The following AKT3 variants were observed in gnomAD, a reference collection of about 807,000 sequenced individuals.
AKT3 encodes RAC-gamma serine/threonine-protein kinase.
Under a neutral mutation model 65.3 loss-of-function variants are expected in AKT3, and 15 were observed. The observed-to-expected ratio is 0.23, with a 90% CI of 0.15 to 0.35. AKT3 has a LOEUF of 0.35. Ranked by LOEUF, AKT3 falls within the 10% of genes least tolerant of loss-of-function variation. The probability of loss-of-function intolerance (pLI) is 1.00; values close to 1 mark genes in which losing one functional copy is unlikely to be tolerated. For missense variants in AKT3, 243 were observed against 576.5 expected (o/e 0.42, Z 5.92); for synonymous variants, 206 against 183.8 (o/e 1.12, Z -0.98).
At chr1:243,508,102 G>C (rs1333899852) in intron 13 of AKT3, among the ~76,000 whole-genome samples, 1 of 152,190 alleles carries the variant, frequency 6.6e-6, no homozygotes, top group African/African-American at 2.4e-5. Flanking sequence ...CACTTAGGGA[G>C]CTGCAACGGT....
At chr1:243,591,021 C>T (rs745898158) in intron 8 of AKT3, among the ~76,000 whole-genome samples, 23 of 151,990 alleles carry the variant, frequency 1.5e-4, no homozygotes, top group Non-Finnish European at 2.2e-4. Context: ...AAAGAGCCTA[C>T]GAGGATCCTT....
intron 2 of AKT3, among the ~76,000 whole-genome samples, chr1:243,823,183 G>C (rs1180853957): frequency 7.2e-6 from 1 of 138,876 alleles, no homozygotes; most frequent in East Asian, 1.9e-4. Flanking sequence ...AAAACCACAT[G>C]ATTATCTCAA....
chr1:243,834,200 G>A (rs969704548), intron 2 of AKT3, among the ~76,000 whole-genome samples: 1 of 151,950 alleles, frequency 6.6e-6, no homozygotes, highest in Non-Finnish European at 1.5e-5. Context: ...GTATCATAAA[G>A]ACACATGTAC....
rs559512634 is a variant in AKT3 at position 243,651,946 on chromosome 1, C to T, written c.285-5909G>A. 9.9e-5 allele frequency among the ~76,000 whole-genome samples: 15 copies of T among 151,826 alleles called. 1 individual carries two copies. The highest frequency in any genetic ancestry group is 3.6e-4 in the African/African-American group (15 of 41,386). ...CCAGAGAGAAAGGTAGGGTTTCCCA[C>T]AAAGGGAAGCTCATCAGACTAACAG... On this transcript the variant is annotated intron_variant, in intron 4 of 13. Transcript: ENST00000673466.
intron 8 of AKT3, among the ~76,000 whole-genome samples, chr1:243,578,537 G>A (rs1408771901): frequency 6.6e-6 from 1 of 152,162 alleles, no homozygotes; most frequent in Non-Finnish European, 1.5e-5. Flanking sequence ...TTGTGGGGCA[G>A]AGCCAAGGGA....
chr1:243,512,576 TC>T (rs1574509953), intron 12 of AKT3, 150 bp from the exon 13 acceptor site: 2 of 577,816 alleles, frequency 3.5e-6, no homozygotes, highest in African/African-American at 3.9e-5. Context: ...ATATTTGGCT[TC>T]CCAGTCAACA....
chr1:243,709,087 T>C (rs989528007), intron 2 of AKT3, among the ~76,000 whole-genome samples: 5 of 151,856 alleles, frequency 3.3e-5, no homozygotes, highest in Non-Finnish European at 7.4e-5. Context: ...CATTCACTTA[T>C]CAAAGTTTTT....
At chr1:243,497,342 G>GC (rs1365047811), downstream of AKT3, among the ~76,000 whole-genome samples, 1 of 148,906 alleles carries the variant, frequency 6.7e-6, no homozygotes, top group African/African-American at 2.5e-5. Flanking sequence ...ACGGGTGGGG[G>GC]GGGGGGCGTT....
intron 4 of AKT3, among the ~76,000 whole-genome samples, chr1:243,662,874 A>G (rs1035075759): frequency 6.6e-6 from 1 of 152,206 alleles, no homozygotes; most frequent in African/African-American, 2.4e-5. Context: ...ATAAATGCAA[A>G]TGAAAACTGA....
At chr1:243,745,511 C>T (rs1688427176) in intron 2 of AKT3, among the ~76,000 whole-genome samples, 1 of 152,126 alleles carries the variant, frequency 6.6e-6, no homozygotes, top group Non-Finnish European at 1.5e-5. Flanking sequence ...TGCCCAGGGT[C>T]ACAAAAGTAT....
chr1:243,509,004 G>C (rs1169233415), intron 13 of AKT3, among the ~76,000 whole-genome samples: 1 of 152,086 alleles, frequency 6.6e-6, no homozygotes. Context: ...TACAATTGCA[G>C]GTGGATTTTG....
Position 243,514,573 on chromosome 1 carries a change from A to C in AKT3, c.1252-2147T>G, listed in dbSNP as rs559403226. 4.6e-5 allele frequency among the ~76,000 whole-genome samples: 7 copies of C among 152,354 alleles called. No homozygotes were observed. In the South Asian group the frequency reaches 1.4e-3, roughly 32 times the overall value. On this transcript the variant is annotated intron_variant, in intron 12 of 13. Transcript: ENST00000673466. ...CATGTATTTGTTACTGTCAATGTTC[A>C]TCACCAATAAAATATAAGTTCCACG...
chr1:243,518,710 A>G (rs1670520615), intron 12 of AKT3, among the ~76,000 whole-genome samples: 1 of 152,118 alleles, frequency 6.6e-6, no homozygotes, highest in South Asian at 2.1e-4. Context: ...TTTCATTACA[A>G]ATTTCTAGAA....
At chr1:243,693,301 C>T (rs1270893732) in intron 3 of AKT3, among the ~76,000 whole-genome samples, 1 of 93,640 alleles carries the variant, frequency 1.1e-5, no homozygotes, top group Non-Finnish European at 2.1e-5. Context: ...TATAACATTT[C>T]CCAACATACC....
At chr1:243,724,285 C>T (rs372899914) in intron 2 of AKT3, among the ~76,000 whole-genome samples, 70 of 151,726 alleles carry the variant, frequency 4.6e-4, no homozygotes, top group African/African-American at 1.6e-3. Context: ...TAAAACTACC[C>T]GTTACTGAGT....
chr1:243,697,784 A>G (rs1429245625), intron 2 of AKT3, among the ~76,000 whole-genome samples: 1 of 152,078 alleles, frequency 6.6e-6, no homozygotes, highest in Non-Finnish European at 1.5e-5. Context: ...CTTTGCTTAA[A>G]AGCTCAATTT....
At chr1:243,652,818 G>A (rs551583106) in intron 4 of AKT3, among the ~76,000 whole-genome samples, 8 of 133,504 alleles carry the variant, frequency 6.0e-5, no homozygotes, top group Non-Finnish European at 1.1e-4. Flanking sequence ...CCTAATCTCT[G>A]ATAAAACAGA....
chr1:243,641,116 T>G (rs1680353556), intron 5 of AKT3, among the ~76,000 whole-genome samples: 1 of 152,056 alleles, frequency 6.6e-6, no homozygotes, highest in South Asian at 2.1e-4. Flanking sequence ...GGAGGCTTCC[T>G]GCCCTCGAAC....
At chr1:243,715,573 T>C (rs1415934332) in intron 2 of AKT3, among the ~76,000 whole-genome samples, 1 of 152,092 alleles carries the variant, frequency 6.6e-6, no homozygotes, top group Non-Finnish European at 1.5e-5. Flanking sequence ...TGATACTATC[T>C]GGTGTTAAAC....
Sources: gnomAD v4.1 joint callset for allele counts (sites outside exome capture counted in the v4.1 genomes callset) on GRCh38, gnomAD v4.1.1 for gene constraint, MANE v1.5 for transcripts, NCBI Gene and HGNC (gene_info 2026-07-23, HGNC 2026-07-21) for gene names.